STXBP5L: variants seen among roughly 807,000 people sequenced by gnomAD.
The protein encoded by STXBP5L is syntaxin binding protein 5L, also known as syntaxin-binding protein 5-like.
In STXBP5L, 65 loss-of-function variants were observed where a neutral mutation model predicts 144.5. That is an observed-to-expected ratio of 0.45 (90% CI 0.37 to 0.55). The LOEUF is 0.55. STXBP5L is among the 20% of genes least tolerant of loss of function. The pLI is 0.00. For synonymous variants in STXBP5L, 505 were observed against 469.6 expected, an observed-to-expected ratio of 1.08 and a Z score of -0.97; for missense variants, 1,298 against 1,405.5, an observed-to-expected ratio of 0.92 and a Z score of 1.22.
intron 3 of STXBP5L, among the ~76,000 whole-genome samples, chr3:121,019,059 G>C (rs1218772112): frequency 7.9e-5 from 12 of 152,186 alleles, no homozygotes; most frequent in Non-Finnish European, 5.9e-5. Context: ...TGGCCTTTCG[G>C]CTGCAGGCTG....
chr3:121,167,155 T>G (rs1055755412), intron 9 of STXBP5L, among the ~76,000 whole-genome samples: 1 of 151,960 alleles, frequency 6.6e-6, no homozygotes, highest in East Asian at 1.9e-4. Context: ...AAAAGAAAAT[T>G]ACAAAATCAG....
At chr3:120,987,011 A>G (rs927051634) in intron 3 of STXBP5L, among the ~76,000 whole-genome samples, 2 of 151,978 alleles carry the variant, frequency 1.3e-5, no homozygotes, top group African/African-American at 2.4e-5. Context: ...AAAGTTATAG[A>G]GAGAATATTT....
At chr3:120,998,931 G>C (rs561435547) in intron 3 of STXBP5L, among the ~76,000 whole-genome samples, 1 of 152,130 alleles carries the variant, frequency 6.6e-6, no homozygotes, top group East Asian at 1.9e-4. Context: ...TTGTTAAGAT[G>C]GTCAATGAAT....
chr3:120,990,936 T>C (rs1007364720), intron 3 of STXBP5L, among the ~76,000 whole-genome samples: 3 of 152,160 alleles, frequency 2.0e-5, no homozygotes, highest in African/African-American at 7.2e-5. Context: ...ACTTCATGAC[T>C]AAAACACCAA....
chr3:120,912,145 G>A lies in STXBP5L; in HGVS notation c.189+2378G>A, dbSNP rs555773799. On this transcript the variant is annotated intron_variant, in intron 2 of 26. Transcript: ENST00000471454. The stretch of plus-strand genomic sequence containing the variant: ...TTTTCTACATCCCCAGTACTTGTTC[G>A]TTCCGTCATATTTTCTTGCTTGGTC... Among the ~76,000 whole-genome samples, 11 of 151,844 alleles carry A rather than the reference G, an allele frequency of 7.2e-5. No homozygotes were observed. The East Asian group carries it at 1.7e-3, about 24-fold the overall frequency.
chr3:121,235,914 A>T (rs1252725240), intron 12 of STXBP5L, among the ~76,000 whole-genome samples: 1 of 151,898 alleles, frequency 6.6e-6, no homozygotes, highest in East Asian at 1.9e-4. Flanking sequence ...TTAAGTTCCT[A>T]ATAATATGGC....
intron 20 of STXBP5L, among the ~76,000 whole-genome samples, chr3:121,373,419 C>T (rs2046090327): frequency 6.6e-6 from 1 of 152,194 alleles, no homozygotes; most frequent in Non-Finnish European, 1.5e-5. Flanking sequence ...CGTGCTGGGA[C>T]CTCTGGGACC....
chr3:121,401,866 C>A, intron 22 of STXBP5L, among the ~76,000 whole-genome samples: 1 of 120,302 alleles, frequency 8.3e-6, no homozygotes. Context: ...GCACAATGTG[C>A]ACATGTACCC....
At chr3:121,065,453 A>G (rs182342497) in intron 5 of STXBP5L, among the ~76,000 whole-genome samples, 8 of 152,332 alleles carry the variant, frequency 5.3e-5, no homozygotes, top group African/African-American at 1.9e-4. Context: ...AGGACCTTGT[A>G]TTAACTATCT....
At chr3:121,169,578 C>T (rs1216795654) in intron 9 of STXBP5L, among the ~76,000 whole-genome samples, 2 of 152,054 alleles carry the variant, frequency 1.3e-5, no homozygotes, top group African/African-American at 4.8e-5. Flanking sequence ...TTTAAACCAA[C>T]AAAGATCAAA....
At chr3:121,362,325 T>C (rs558147421) in intron 20 of STXBP5L, among the ~76,000 whole-genome samples, 1 of 152,214 alleles carries the variant, frequency 6.6e-6, no homozygotes. Context: ...TGGGGCTCTA[T>C]GATCTGCAAG....
At chr3:121,074,509 G>A (rs561712431) in intron 5 of STXBP5L, among the ~76,000 whole-genome samples, 1 of 152,064 alleles carries the variant, frequency 6.6e-6, no homozygotes, top group Non-Finnish European at 1.5e-5. Flanking sequence ...GGATACTGAC[G>A]GATTCACACT....
chr3:121,254,419 A>T (rs930464589), intron 15 of STXBP5L, among the ~76,000 whole-genome samples: 7 of 152,166 alleles, frequency 4.6e-5, no homozygotes, highest in Non-Finnish European at 1.0e-4. Context: ...AATGTTTCTT[A>T]TCTGAAGGAG....
intron 7 of STXBP5L, among the ~76,000 whole-genome samples, chr3:121,132,175 C>T (rs1290143755): frequency 6.6e-6 from 1 of 152,202 alleles, no homozygotes; most frequent in East Asian, 1.9e-4. Flanking sequence ...CTGATAAACA[C>T]TTCTGACCCT....
intron 7 of STXBP5L, among the ~76,000 whole-genome samples, chr3:121,132,448 A>G (rs1446448010): frequency 1.3e-5 from 2 of 152,178 alleles, no homozygotes; most frequent in Non-Finnish European, 2.9e-5. Context: ...GATAAAGACC[A>G]CAGATGCCTG....
chr3:121,020,716 G>C (rs542611305), intron 3 of STXBP5L, among the ~76,000 whole-genome samples: 12 of 152,176 alleles, frequency 7.9e-5, no homozygotes, highest in Non-Finnish European at 1.5e-4. Flanking sequence ...AATTCTGAGA[G>C]AATTTGCCAC....
chr3:121,102,334 C>T (rs1211284859), intron 5 of STXBP5L, among the ~76,000 whole-genome samples: 2 of 151,948 alleles, frequency 1.3e-5, no homozygotes, highest in Non-Finnish European at 2.9e-5. Context: ...GTACAGTAAC[C>T]AAAAGAGCAT....
At chr3:121,312,165 T>C (rs1391442100) in intron 19 of STXBP5L, among the ~76,000 whole-genome samples, 1 of 152,168 alleles carries the variant, frequency 6.6e-6, no homozygotes, top group Admixed American at 6.5e-5. Flanking sequence ...ACTGAATCCC[T>C]GCCTTACACC....
intron 20 of STXBP5L, among the ~76,000 whole-genome samples, chr3:121,373,971 G>T (rs1222591555): frequency 2.6e-5 from 4 of 152,056 alleles, no homozygotes; most frequent in Non-Finnish European, 4.4e-5. Flanking sequence ...CCACCCAAGG[G>T]CCCAAAGACC....
Sources: gnomAD v4.1 joint callset for allele counts (sites outside exome capture counted in the v4.1 genomes callset) on GRCh38, gnomAD v4.1.1 for gene constraint, MANE v1.5 for transcripts, NCBI Gene and HGNC (gene_info 2026-07-23, HGNC 2026-07-21) for gene names.